HMGA1: variants seen among roughly 807,000 people sequenced by gnomAD.
The protein encoded by HMGA1 is high mobility group protein HMG-I/HMG-Y.
A neutral mutation model predicts 15.1 loss-of-function variants in HMGA1; 1 was observed. That is an observed-to-expected ratio of 0.07 (90% CI 0.02 to 0.31). The LOEUF is 0.31. HMGA1 is among the 10% of genes least tolerant of loss of function. HMGA1 has a pLI of 1.00. For synonymous variants in HMGA1, 56 were observed against 54.8 expected, an observed-to-expected ratio of 1.02 and a Z score of -0.10; for missense variants, 94 against 141.4, an observed-to-expected ratio of 0.66 and a Z score of 1.70.
chr6:34,244,858 C>A lies in HMGA1; in HGVS notation c.298C>A (p.Gln100Lys). 1 of 1,569,394 alleles carries A rather than the reference C, an allele frequency of 6.4e-7. No homozygotes were observed. The highest frequency in any genetic ancestry group is 1.9e-5 in the Admixed American group (1 of 53,164). The change falls in exon 6 of 6, where the codon CAG becomes AAG. Residue 100 changes from glutamine (Q) to lysine (K), a missense_variant. Transcript: ENST00000311487. ...LEKEEEEGISQESSEEEQ is the reference protein window; with the variant it reads ...LEKEEEEGISKESSEEEQ ...GAAGGAGGAAGAGGAGGGCATCTCG[C>A]AGGAGTCCTCGGAGGAGGAGCAGTG... is the stretch of plus-strand genomic sequence containing the variant.
Position 34,245,169 on chromosome 6 carries a change from A to C in HMGA1, c.*285A>C. ...ACATGCCCTCCTGGACAAGGCTAAC[A>C]TCCCACTTAGCCGCACCCTGCACCT... On this transcript the variant is annotated 3_prime_UTR_variant, in exon 6 of 6. Coordinates refer to ENST00000311487, the MANE Select transcript of HMGA1 (RefSeq NM_145899.3). 4 of 1,446,904 alleles carry C rather than the reference A, an allele frequency of 2.8e-6. No homozygotes were observed. The highest frequency in any genetic ancestry group is 2.8e-6 in the Non-Finnish European group (3 of 1,090,006). The allele number at this position is 1,446,904 out of a possible 1,614,324, so 89.6% of individuals were successfully genotyped here. A position where few individuals can be genotyped will look rare whatever the true frequency, so the allele number is the denominator to read the frequency against.
At chr6:34,243,869 T>TA (rs1581809519) in intron 5 of HMGA1, among the ~76,000 whole-genome samples, 1 of 152,034 alleles carries the variant, frequency 6.6e-6, no homozygotes, top group Non-Finnish European at 1.5e-5. Context: ...AAGGAAGCCA[T>TA]AGGGGGAAGG....
At position 34,244,833 on chromosome 6, in the gene HMGA1, G is replaced by A. The variant is rs184921616; in HGVS notation, c.273G>A (p.Glu91=). 7 of 1,571,768 alleles carry A rather than the reference G, an allele frequency of 4.5e-6. No individual in the cohort carries two copies. In the Admixed American group the frequency reaches 1.3e-4, roughly 29 times the overall value. ...ACCAACAACTGCCCACCTCACAGGA[G>A]AAGGAGGAAGAGGAGGGCATCTCGC... is the stretch of plus-strand genomic sequence containing the variant. ...RKPRGRPKKL[E]KEEEEGISQE... Residue 91 remains glutamate, a splice_region_variant and synonymous_variant, in exon 6 of 6, where the codon GAG becomes GAA. Coordinates refer to ENST00000311487, the MANE Select transcript of HMGA1 (RefSeq NM_145899.3).
intron 5 of HMGA1, among the ~76,000 whole-genome samples, 195 bp downstream of exon 5, chr6:34,243,713 G>A (rs984534940): frequency 2.0e-5 from 3 of 152,120 alleles, no homozygotes; most frequent in Non-Finnish European, 2.9e-5. Flanking sequence ...GGGGTCCCAG[G>A]TATAAATCAG....
In HMGA1 at chr6:34,243,472, C is replaced by G; in HGVS notation, c.224C>G (p.Thr75Ser). ...KNKGAAKTRK[T>S]TTTPGRKPRG... ...ATATTTTCTCTAACCCTCTAGAAAA[C>G]CACCACAACTCCAGGAAGGAAACCA... The change falls in exon 5 of 6, where the codon ACC (threonine) becomes AGC (serine). Residue 75 changes from threonine (T) to serine (S), a missense_variant. Physicochemically the swap from Thr to Ser is moderately conservative, Grantham distance 58 (BLOSUM62 1). Transcript: ENST00000311487. 6.2e-7 allele frequency: 1 copy of G among 1,613,242 alleles called. No individual in the cohort carries two copies. Among genetic ancestry groups the G allele is most frequent in the Non-Finnish European group, 8.5e-7 (1 of 1,179,372 alleles).
intron 3 of HMGA1, among the ~76,000 whole-genome samples, chr6:34,242,066 C>T (rs76480976): frequency 2.4e-4 from 37 of 152,326 alleles, no homozygotes; most frequent in Admixed American, 1.0e-3. Flanking sequence ...GTAGCTGGCG[C>T]GCCTTCACCA....
At position 34,245,259 on chromosome 6, in the gene HMGA1, T is replaced by A. The variant is rs1336866794; in HGVS notation, c.*375T>A. 1.5e-6 allele frequency: 2 copies of A among 1,376,500 alleles called. No homozygotes were observed. Among genetic ancestry groups the A allele is most frequent in the East Asian group, 6.8e-5 (2 of 29,618 alleles). The allele number at this position is 1,376,500 out of a possible 1,614,324, so 85.3% of individuals were successfully genotyped here. Reference sequence around the variant, plus strand: ...CTGGGCTTTTGGTTTGGGGGCGCCCTCTCTGCTCCTTCACTGTTCCCTCTG... The same window carrying A: ...CTGGGCTTTTGGTTTGGGGGCGCCCACTCTGCTCCTTCACTGTTCCCTCTG... On this transcript the variant is annotated 3_prime_UTR_variant, in exon 6 of 6. Coordinates refer to ENST00000311487, the MANE Select transcript of HMGA1 (RefSeq NM_145899.3).
rs7749653 is a variant in HMGA1, at chr6:34,239,332, C to G, written c.-44-1405C>G. Among the ~76,000 whole-genome samples, 1,150 of 151,624 alleles carry G rather than the reference C, an allele frequency of 7.6e-3. 10 individuals are homozygous for G. Among genetic ancestry groups the G allele is most frequent in the Middle Eastern group, 0.017 (5 of 292 alleles). ...CCGTATTGTCCAGGCTGGTCTCGAA[C>G]TCCTGACCTCAAGCAGTCCTCCTGC... On this transcript the variant is annotated intron_variant, in intron 2 of 5. Coordinates refer to ENST00000311487, the MANE Select transcript of HMGA1 (RefSeq NM_145899.3).
In HMGA1 at chr6:34,245,221, G is replaced by A; in HGVS notation, c.*337G>A. 1.4e-6 allele frequency: 2 copies of A among 1,395,012 alleles called. No individual in the cohort carries two copies. The highest frequency in any genetic ancestry group is 2.4e-5 in the South Asian group (2 of 81,942). 86.4% of individuals were successfully genotyped at this position (1,395,012 alleles called of 1,614,324 possible). A position where few individuals can be genotyped will look rare whatever the true frequency, so the allele number is the denominator to read the frequency against. ...CTGCGTCCCCACTCCCTTGGTGGTG[G>A]GGACATTGCTCTCTGGGCTTTTGGT... On this transcript the variant is annotated 3_prime_UTR_variant, in exon 6 of 6. Transcript: ENST00000311487.
At position 34,242,329 on chromosome 6, in the gene HMGA1, G is replaced by T. The variant is rs372770889; in HGVS notation, c.136-383G>T. 1.4e-4 allele frequency among the ~76,000 whole-genome samples: 22 copies of T among 152,268 alleles called. No individual in the cohort carries two copies. The South Asian group carries it at 2.5e-3, about 17-fold the overall frequency. On this transcript the variant is annotated intron_variant, in intron 3 of 5. Transcript: ENST00000311487. ...ACCCATTTAATCTCCATGACACCCT[G>T]CAAGGGAAGTCTTCACCATTTATAG...
chr6:34,241,838 G>C (rs148378107), intron 3 of HMGA1, among the ~76,000 whole-genome samples: 248 of 152,294 alleles, frequency 1.6e-3, no homozygotes, highest in Non-Finnish European at 3.2e-3. Flanking sequence ...GGTGGAGAGT[G>C]GTCTGTGCTG....
chr6:34,243,600 C>A, intron 5 of HMGA1, 82 bp downstream of exon 5: 1 of 1,124,480 alleles, frequency 8.9e-7, no homozygotes, highest in Non-Finnish European at 1.3e-6. Flanking sequence ...TGATGCTATG[C>A]ACCCCCTATG....
intron 5 of HMGA1, among the ~76,000 whole-genome samples, chr6:34,244,424 C>T (rs1162194258): frequency 6.6e-6 from 1 of 152,092 alleles, no homozygotes; most frequent in Non-Finnish European, 1.5e-5. Flanking sequence ...GGACCTGGTT[C>T]CCCTGCACCC....
At chr6:34,244,799 A>G in intron 5 of HMGA1, 32 bp from the exon 6 acceptor site, 1 of 1,552,620 alleles carries the variant, frequency 6.4e-7, no homozygotes, top group Non-Finnish European at 8.7e-7. Flanking sequence ...GGACCGGGCC[A>G]GAGCTCACAC....
intron 5 of HMGA1, among the ~76,000 whole-genome samples, chr6:34,243,895 A>G (rs1375864736): frequency 6.6e-6 from 1 of 152,090 alleles, no homozygotes; most frequent in African/African-American, 2.4e-5. Flanking sequence ...CCTTCCTATG[A>G]GCCTCTGCAG....
At chr6:34,239,647 C>T (rs967248067) in intron 2 of HMGA1, among the ~76,000 whole-genome samples, 2 of 152,078 alleles carry the variant, frequency 1.3e-5, no homozygotes, top group Non-Finnish European at 1.5e-5. Context: ...AATGTGTAGC[C>T]TAGGCCTCCG....
chr6:34,245,454 G>A lies in HMGA1; in HGVS notation c.*570G>A. 1 of 1,375,354 alleles carries A rather than the reference G, an allele frequency of 7.3e-7. No individual in the cohort carries two copies. Among genetic ancestry groups the A allele is most frequent in the Non-Finnish European group, 9.6e-7 (1 of 1,037,526 alleles). The allele number at this position is 1,375,354 out of a possible 1,614,324, so 85.2% of individuals were successfully genotyped here. ...GCCAAACTGTCTTTGTCACCACGTG[G>A]GGCTCACTTTTCATCCTTCCCCAAC... On this transcript the variant is annotated 3_prime_UTR_variant, in exon 6 of 6. Coordinates refer to ENST00000311487, the MANE Select transcript of HMGA1 (RefSeq NM_145899.3).
chr6:34,241,869 G>C (rs1360021152), intron 3 of HMGA1, among the ~76,000 whole-genome samples: 2 of 152,146 alleles, frequency 1.3e-5, no homozygotes, highest in South Asian at 2.1e-4. Context: ...AGGGAGACAC[G>C]AGCTGTGAGG....
At chr6:34,242,137 G>T (rs1229051863) in intron 3 of HMGA1, among the ~76,000 whole-genome samples, 1 of 152,162 alleles carries the variant, frequency 6.6e-6, no homozygotes, top group South Asian at 2.1e-4. Flanking sequence ...TAAAATTTCA[G>T]TGGGAATGAT....
Sources: allele counts gnomAD v4.1 joint callset (sites outside exome capture counted in the v4.1 genomes callset), GRCh38; gene constraint gnomAD v4.1.1; transcripts MANE v1.5; gene names NCBI Gene and HGNC (gene_info 2026-07-23, HGNC 2026-07-21).